The following WDR49 variants were observed in gnomAD, a reference collection of about 807,000 sequenced individuals.
The protein encoded by WDR49 is cilia- and flagella-associated protein 337.
WDR49 carries 107 observed loss-of-function variants against 119.5 expected under a neutral mutation model. That is an observed-to-expected ratio of 0.90 (90% CI 0.77 to 1.05). The LOEUF is 1.05. Among genes scored for constraint, WDR49 ranks in the 50% least tolerant of loss-of-function variants. The pLI is 0.00. For missense variants in WDR49, 1,240 were observed against 1,220.5 expected, an observed-to-expected ratio of 1.02 and a Z score of -0.24; for synonymous variants, 425 against 418.8, an observed-to-expected ratio of 1.01 and a Z score of -0.18.
At chr3:167,536,417 G>A (rs771542300) in intron 11 of WDR49, among the ~76,000 whole-genome samples, 2 of 151,802 alleles carry the variant, frequency 1.3e-5, no homozygotes, top group African/African-American at 2.4e-5. Context: ...AGTGGCTCAC[G>A]CCTGTAATCC....
intron 8 of WDR49, among the ~76,000 whole-genome samples, chr3:167,566,383 T>TG (rs1364358125): frequency 3.9e-5 from 6 of 152,108 alleles, no homozygotes; most frequent in African/African-American, 1.2e-4. Flanking sequence ...TATGCATCTG[T>TG]GAAAATGGAC....
intron 12 of WDR49, among the ~76,000 whole-genome samples, 180 bp from the exon 13 acceptor site, chr3:167,531,459 G>T (rs1316779390): frequency 3.3e-5 from 5 of 152,186 alleles, no homozygotes; most frequent in Admixed American, 2.6e-4. Context: ...TTGAAGAATT[G>T]TTTGACATTA....
At chr3:167,656,373 A>G (rs1394890518), upstream of WDR49, among the ~76,000 whole-genome samples, 1 of 152,234 alleles carries the variant, frequency 6.6e-6, no homozygotes, top group Non-Finnish European at 1.5e-5. Flanking sequence ...AAAATGTTTT[A>G]TAGTGATATT....
At chr3:167,538,446 A>G (rs1276565027) in intron 10 of WDR49, among the ~76,000 whole-genome samples, 1 of 152,022 alleles carries the variant, frequency 6.6e-6, no homozygotes, top group Admixed American at 6.6e-5. Context: ...TTTTACTTCA[A>G]ACAGTCAATG....
At chr3:167,484,171 T>A (rs755491346) in intron 18 of WDR49, among the ~76,000 whole-genome samples, 40 of 152,156 alleles carry the variant, frequency 2.6e-4, no homozygotes, top group Non-Finnish European at 5.1e-4. Context: ...AAGTGTTGCT[T>A]TGAAGGGATT....
chr3:167,630,961 AGCC>A (rs1717342322), intron 2 of WDR49, among the ~76,000 whole-genome samples: 1 of 152,096 alleles, frequency 6.6e-6, no homozygotes, highest in Non-Finnish European at 1.5e-5. Flanking sequence ...TAGGAACGCT[AGCC>A]AGCACTCCAC....
chr3:167,610,778 A>C (rs1716301670), intron 5 of WDR49, among the ~76,000 whole-genome samples: 1 of 152,250 alleles, frequency 6.6e-6, no homozygotes, highest in South Asian at 2.1e-4. Flanking sequence ...GCACAGTCAT[A>C]GTAGTAGTGG....
In WDR49 at chr3:167,565,412, C is replaced by CACACACACACAT. The variant is rs144511770; in HGVS notation, c.1510-5185_1510-5184insATGTGTGTGTGT. On this transcript the variant is annotated intron_variant, in intron 8 of 18. Transcript: ENST00000682715. ...ACACACACACACACACACACACACA[C>CACACACACACAT]TTATATGTAAAATGCATGTGTATAT... Among the ~76,000 whole-genome samples the CACACACACACAT allele has an allele frequency of 1.2e-3, 182 of 146,960 alleles. 3 individuals carry two copies. In the East Asian group the frequency reaches 0.017, roughly 14 times the overall value.
In WDR49 at chr3:167,478,959, G is replaced by T. The variant is rs145156716; in HGVS notation, c.3069C>A (p.Pro1023=). ...TTCGTTCATGATGCAGAATTTCCTT[G>T]GGAAACAGGTTTTTCTCATCAAATA... The part of the protein sequence containing the change: ...KAVFDEKNLF[P]KEILHHERKA... Residue 1023 remains proline (P), a synonymous_variant, in exon 19 of 19, where the codon CCC becomes CCA. Transcript: ENST00000682715. 1 of 1,608,480 alleles carries T rather than the reference G, an allele frequency of 6.2e-7. No individual in the cohort carries two copies. The highest frequency in any genetic ancestry group is 8.5e-7 in the Non-Finnish European group (1 of 1,178,612).
intron 2 of WDR49, among the ~76,000 whole-genome samples, chr3:167,632,074 C>A (rs1291720676): frequency 1.3e-5 from 2 of 151,930 alleles, no homozygotes; most frequent in Non-Finnish European, 2.9e-5. Flanking sequence ...GTCAAAACTG[C>A]AAACTATTTC....
chr3:167,570,607 T>C (rs1179804016), intron 8 of WDR49, among the ~76,000 whole-genome samples: 1 of 152,218 alleles, frequency 6.6e-6, no homozygotes, highest in African/African-American at 2.4e-5. Flanking sequence ...ATTTTGAATA[T>C]GATGGCATAG....
intron 7 of WDR49, among the ~76,000 whole-genome samples, chr3:167,579,060 C>A (rs1233261791): frequency 1.3e-5 from 2 of 152,046 alleles, no homozygotes; most frequent in African/African-American, 4.8e-5. Flanking sequence ...ACTCGCACTT[C>A]TCTCTCCTAC....
intron 5 of WDR49, among the ~76,000 whole-genome samples, chr3:167,609,737 C>T (rs537630760): frequency 1.1e-3 from 166 of 152,206 alleles, no homozygotes; most frequent in Non-Finnish European, 2.0e-3. Flanking sequence ...GCTGGCATCA[C>T]CCTCCTCTAA....
At chr3:167,500,848 T>C (rs1751535113) in intron 17 of WDR49, among the ~76,000 whole-genome samples, 1 of 152,216 alleles carries the variant, frequency 6.6e-6, no homozygotes, top group Non-Finnish European at 1.5e-5. Context: ...TTGCTTCATG[T>C]AGTAATTGGA....
intron 7 of WDR49, among the ~76,000 whole-genome samples, chr3:167,577,393 A>G (rs1400446219): frequency 6.6e-6 from 1 of 152,140 alleles, no homozygotes; most frequent in Non-Finnish European, 1.5e-5. Flanking sequence ...AACATGTAGA[A>G]TGTATCTGTT....
chr3:167,487,002 C>T (rs148784268), intron 18 of WDR49, among the ~76,000 whole-genome samples: 5 of 152,126 alleles, frequency 3.3e-5, no homozygotes, highest in Non-Finnish European at 7.4e-5. Flanking sequence ...AAATGTCATT[C>T]ATTTCAGAAT....
intron 11 of WDR49, among the ~76,000 whole-genome samples, 166 bp downstream of exon 11, chr3:167,536,704 T>TACAC (rs1553863864): frequency 3.2e-5 from 2 of 62,486 alleles, no homozygotes; most frequent in African/African-American, 1.6e-4. Context: ...TATATATATA[T>TACAC]ACACACACAT....
In WDR49 at chr3:167,578,990, G is replaced by A. The variant is rs74651791; in HGVS notation, c.1276-2839C>T. Among the ~76,000 whole-genome samples, 1,025 of 152,172 alleles carry A rather than the reference G, an allele frequency of 6.7e-3. 54 individuals are homozygous for A. In the East Asian group the frequency reaches 0.13, roughly 20 times the overall value. The stretch of plus-strand genomic sequence containing the variant: ...AATCCTAATTTCCCATGCTGTTCTT[G>A]TGATAGTATGTGAGTTTTTACAAGA... On this transcript the variant is annotated intron_variant, in intron 7 of 18. Transcript: ENST00000682715.
intron 7 of WDR49, among the ~76,000 whole-genome samples, chr3:167,598,195 C>G (rs1038471113): frequency 1.3e-5 from 2 of 152,000 alleles, no homozygotes; most frequent in Non-Finnish European, 2.9e-5. Flanking sequence ...GTCTCAGCTA[C>G]TCTGGAGACT....
Sources: allele counts gnomAD v4.1 joint callset (sites outside exome capture counted in the v4.1 genomes callset), GRCh38; gene constraint gnomAD v4.1.1; transcripts MANE v1.5; gene names NCBI Gene and HGNC (gene_info 2026-07-23, HGNC 2026-07-21).